The following PLPPR5 variants were observed in gnomAD, a reference collection of about 807,000 sequenced individuals.
PLPPR5 encodes phospholipid phosphatase related 5.
Under a neutral mutation model 33.9 loss-of-function variants are expected in PLPPR5, and 16 were observed. That is an observed-to-expected ratio of 0.47 (90% CI 0.32 to 0.72). PLPPR5 has a LOEUF of 0.72. Among genes scored for constraint, PLPPR5 ranks in the 30% least tolerant of loss-of-function variants. The pLI is 0.03. For synonymous variants in PLPPR5, 163 were observed against 150.3 expected (o/e 1.08, Z -0.62); for missense variants, 301 against 406.7 (o/e 0.74, Z 2.23).
intron 5 of PLPPR5, among the ~76,000 whole-genome samples, chr1:98,893,517 T>C (rs561615184): frequency 4.6e-5 from 7 of 151,900 alleles, no homozygotes; most frequent in African/African-American, 1.4e-4. Context: ...CATTTGCTAG[T>C]TGACAAAAAT....
chr1:98,969,543 G>T (rs900601580), intron 1 of PLPPR5, among the ~76,000 whole-genome samples: 1 of 151,964 alleles, frequency 6.6e-6, no homozygotes, highest in East Asian at 1.9e-4. Context: ...TGACCTTTTG[G>T]ATCTATGGCT....
chr1:98,975,384 A>G (rs1651810746), intron 1 of PLPPR5, among the ~76,000 whole-genome samples: 1 of 152,074 alleles, frequency 6.6e-6, no homozygotes. Flanking sequence ...TCTTCCATTG[A>G]CAGAAATCAC....
intron 5 of PLPPR5, among the ~76,000 whole-genome samples, chr1:98,913,772 C>A (rs1483597258): frequency 6.6e-6 from 1 of 152,158 alleles, no homozygotes; most frequent in East Asian, 1.9e-4. Context: ...CGAAGAGAAG[C>A]CAGTAGTAGC....
intron 3 of PLPPR5, among the ~76,000 whole-genome samples, chr1:98,923,495 C>G (rs1379156585): frequency 1.6e-4 from 25 of 152,014 alleles, no homozygotes; most frequent in Admixed American, 1.4e-3. Flanking sequence ...TTTTAGAACA[C>G]TATGAAATCC....
chr1:98,920,940 AG>A (rs1237981722), intron 4 of PLPPR5, among the ~76,000 whole-genome samples: 9 of 152,276 alleles, frequency 5.9e-5, no homozygotes, highest in African/African-American at 1.9e-4. Flanking sequence ...ACATGAATAG[AG>A]GGAAGTTCAG....
At chr1:98,982,671 C>A (rs952147372) in intron 1 of PLPPR5, among the ~76,000 whole-genome samples, 3 of 151,996 alleles carry the variant, frequency 2.0e-5, no homozygotes, top group African/African-American at 7.2e-5. Context: ...CAATTAAGAT[C>A]TTTGAATTAA....
intron 3 of PLPPR5, among the ~76,000 whole-genome samples, chr1:98,939,297 G>A (rs1166613883): frequency 1.3e-5 from 2 of 148,392 alleles, no homozygotes; most frequent in African/African-American, 4.9e-5. Context: ...TATAGAGGAA[G>A]GGATGCTAAA....
At chr1:98,999,701 T>C (rs533114007) in intron 1 of PLPPR5, among the ~76,000 whole-genome samples, 13 of 152,222 alleles carry the variant, frequency 8.5e-5, no homozygotes, top group Non-Finnish European at 1.5e-4. Context: ...TTTAGGCAGG[T>C]TGATCCAATG....
chr1:98,956,745 G>T lies in PLPPR5; in HGVS notation c.238-4C>A. The T allele has an allele frequency of 1.3e-6, 2 of 1,539,770 alleles. No homozygotes were observed. The highest frequency in any genetic ancestry group is 4.5e-5 in the Admixed American group (2 of 44,154). ...CAGCAGTTTCTCCAACTATTATCTT[G>T]AAAGAAAATAAAAGATTAAGGAATA... On this transcript the variant is annotated splice_polypyrimidine_tract_variant and splice_region_variant and intron_variant, in intron 1 of 5. Transcript: ENST00000263177.
Position 98,998,807 on chromosome 1 carries a change from G to A in PLPPR5, c.237+5628C>T, listed in dbSNP as rs558975611. Reference sequence around the variant, plus strand: ...TTAAATAATTAGAGTCTGACATACAGTAATCTCACTAAACTTCTATTTCTC... The same window carrying A: ...TTAAATAATTAGAGTCTGACATACAATAATCTCACTAAACTTCTATTTCTC... On this transcript the variant is annotated intron_variant, in intron 1 of 5. Coordinates refer to ENST00000263177, the MANE Select transcript of PLPPR5 (RefSeq NM_001037317.2). Among the ~76,000 whole-genome samples the A allele has an allele frequency of 9.9e-5, 15 of 152,140 alleles. No homozygotes were observed. In the East Asian group the frequency reaches 2.7e-3, roughly 27 times the overall value.
At chr1:98,998,096 A>T (rs1355200273) in intron 1 of PLPPR5, among the ~76,000 whole-genome samples, 1 of 152,122 alleles carries the variant, frequency 6.6e-6, no homozygotes, top group Admixed American at 6.5e-5. Context: ...AAAAAGAGAC[A>T]AAGAGGAATG....
chr1:98,995,949 T>G (rs2100764629), intron 1 of PLPPR5, among the ~76,000 whole-genome samples: 1 of 152,158 alleles, frequency 6.6e-6, no homozygotes, highest in Admixed American at 6.6e-5. Context: ...TTGAATCAGA[T>G]AACACCACAT....
intron 3 of PLPPR5, among the ~76,000 whole-genome samples, chr1:98,932,568 G>A (rs1235923725): frequency 6.6e-6 from 1 of 152,104 alleles, no homozygotes; most frequent in Non-Finnish European, 1.5e-5. Flanking sequence ...TCAGCCTTAT[G>A]CATTACTTTA....
chr1:98,962,900 G>A (rs779836896), intron 1 of PLPPR5, among the ~76,000 whole-genome samples: 3 of 151,980 alleles, frequency 2.0e-5, no homozygotes, highest in South Asian at 2.1e-4. Flanking sequence ...GGCCTGAAGC[G>A]ACCCTCCCAA....
chr1:98,912,865 G>T (rs538433124), intron 5 of PLPPR5, among the ~76,000 whole-genome samples: 1 of 152,170 alleles, frequency 6.6e-6, no homozygotes, highest in South Asian at 2.1e-4. Context: ...ATCATTAAAT[G>T]GTAGTCATTA....
intron 1 of PLPPR5, among the ~76,000 whole-genome samples, chr1:98,997,374 G>A (rs1049685745): frequency 3.9e-5 from 6 of 152,188 alleles, no homozygotes; most frequent in South Asian, 4.1e-4. Flanking sequence ...ATACATTGTC[G>A]TCTTTCAAAA....
intron 3 of PLPPR5, among the ~76,000 whole-genome samples, chr1:98,941,989 CGT>C (rs1491520356): frequency 1.5e-4 from 7 of 47,274 alleles, no homozygotes; most frequent in Admixed American, 8.6e-4. Context: ...TATATGTATA[CGT>C]ATATATATAT....
At chr1:98,900,467 C>A (rs997496354) in intron 5 of PLPPR5, among the ~76,000 whole-genome samples, 8 of 152,060 alleles carry the variant, frequency 5.3e-5, no homozygotes, top group African/African-American at 1.4e-4. Context: ...TCTCTCTCCC[C>A]ACGAGACATA....
intron 3 of PLPPR5, among the ~76,000 whole-genome samples, chr1:98,943,247 C>A (rs1389701319): frequency 6.6e-6 from 1 of 152,136 alleles, no homozygotes. Flanking sequence ...GACTTCATTG[C>A]CTGAAGAGGC....
Sources: gnomAD v4.1 joint callset for allele counts (sites outside exome capture counted in the v4.1 genomes callset) on GRCh38, gnomAD v4.1.1 for gene constraint, MANE v1.5 for transcripts, NCBI Gene and HGNC (gene_info 2026-07-23, HGNC 2026-07-21) for gene names.